The following ANK2 variants were observed in gnomAD, a reference collection of about 807,000 sequenced individuals.
ANK2 encodes ankyrin 2.
Under a neutral mutation model 360.5 loss-of-function variants are expected in ANK2, and 83 were observed. The observed-to-expected ratio is 0.23, with a 90% confidence interval of 0.19 to 0.28. ANK2 has a LOEUF of 0.28. ANK2 is among the 10% of genes least tolerant of loss of function. The pLI is 1.00. For synonymous variants in ANK2, 1,740 were observed against 1,759.5 expected (o/e 0.99, Z 0.28); for missense variants, 4,201 against 4,795.7 (o/e 0.88, Z 3.66).
intron 4 of ANK2, among the ~76,000 whole-genome samples, chr4:113,222,351 G>T (rs1417801604): frequency 6.7e-6 from 1 of 150,184 alleles, no homozygotes; most frequent in East Asian, 2.0e-4. Flanking sequence ...GAAGTTAATT[G>T]TCCAATTGCT....
chr4:113,181,744 C>T (rs1490089286), intron 2 of ANK2, among the ~76,000 whole-genome samples: 1 of 152,042 alleles, frequency 6.6e-6, no homozygotes, highest in Non-Finnish European at 1.5e-5. Context: ...GGTGAGAGAA[C>T]CGCACAGAAG....
rs200148099 is a variant in ANK2, at chr4:113,340,881, AC to A, written c.3894-806del. ...AAAAAAAGAAAAACAAACAAAAAAA[AC>A]AAACCCTTTGGAAGTATAAAATAAC... On this transcript the variant is annotated intron_variant, in intron 32 of 45. Transcript: ENST00000357077. Among the ~76,000 whole-genome samples the A allele has an allele frequency of 7.3e-3, 1,105 of 152,078 alleles. 13 individuals are homozygous for A. The highest frequency in any genetic ancestry group is 0.025 in the African/African-American group (1,046 of 41,482).
chr4:112,771,759 G>A, the ANK2 span, among the ~76,000 whole-genome samples: 156 of 152,160 alleles, frequency 1.0e-3, 2 homozygotes, highest in South Asian at 3.1e-3. Flanking sequence ...CTCATTTTTT[G>A]TATTTTTAGT....
chr4:113,354,846 G>T lies in ANK2; in HGVS notation c.6228G>T (p.Lys2076Asn), dbSNP rs144848998. Reference sequence around the variant, plus strand: ...TTCGTGTTTCCTCCATAGGAGTTAAGAAAGAAGATGCAGCTGGAGGAAAGG... The same window carrying T: ...TTCGTGTTTCCTCCATAGGAGTTAATAAAGAAGATGCAGCTGGAGGAAAGG... ...RGVRVSSIGV[K>N]KEDAAGGKEK... Residue 2076 changes from lysine to asparagine, a missense_variant, in exon 38 of 46, where the codon AAG becomes AAT. Lys to Asn is a moderately conservative substitution (Grantham distance 94). This residue lies in a region of ANK2 where 2,642 missense variants were observed against 2,714.5 expected (regional missense o/e 0.97). Transcript: ENST00000357077. 4.0e-4 allele frequency: 645 copies of T among 1,614,002 alleles called. 1 individual carries two copies. The highest frequency in any genetic ancestry group is 5.0e-4 in the Non-Finnish European group (591 of 1,179,994).
chr4:113,346,789 C>T (rs1588722254), intron 35 of ANK2, among the ~76,000 whole-genome samples: 1 of 152,160 alleles, frequency 6.6e-6, no homozygotes, highest in East Asian at 1.9e-4. Context: ...TAATTTCTGA[C>T]CCCAAGTCTA....
At chr4:112,938,271 C>G (rs979232950) in intron 2 of ANK2, among the ~76,000 whole-genome samples, 3 of 152,142 alleles carry the variant, frequency 2.0e-5, no homozygotes, top group Non-Finnish European at 4.4e-5. Context: ...CCCCTGGTGA[C>G]TCATCTTAAG....
rs111287075 is a variant in ANK2 at position 112,930,892 on chromosome 4, G to GA, written c.21+26392dup. On this transcript the variant is annotated intron_variant, in intron 2 of 30. Transcript: ENST00000503271. ...GACAGAGCAAGACTCCATCTCGAGA[G>GA]AAAAAAAAAAAAAAGACTTAAAATG... Among the ~76,000 whole-genome samples the GA allele has an allele frequency of 3.2e-3, 367 of 116,066 alleles. 2 individuals carry two copies. The highest frequency in any genetic ancestry group is 5.0e-3 in the African/African-American group (166 of 33,132). The allele number at this position is 116,066 out of a possible 152,430, so 76.1% of individuals were successfully genotyped here. A position where few individuals can be genotyped will look rare whatever the true frequency, so the allele number is the denominator to read the frequency against.
chr4:113,256,696 A>T (rs999521716), intron 11 of ANK2, among the ~76,000 whole-genome samples: 3 of 152,176 alleles, frequency 2.0e-5, no homozygotes, highest in Non-Finnish European at 2.9e-5. Flanking sequence ...ATGTGTTTAC[A>T]TGGTTTGTGT....
chr4:112,790,490 T>TC, the ANK2 span, among the ~76,000 whole-genome samples: 2 of 147,250 alleles, frequency 1.4e-5, no homozygotes, highest in East Asian at 3.9e-4. Context: ...TTTTCTTTTT[T>TC]TTTTTTTTTT....
At chr4:113,064,041 G>T (rs1304052514) in intron 1 of ANK2, among the ~76,000 whole-genome samples, 1 of 151,980 alleles carries the variant, frequency 6.6e-6, no homozygotes, top group Non-Finnish European at 1.5e-5. Context: ...TGTTGTTGTT[G>T]TGTTTGCTTT....
chr4:113,245,231 A>G (rs2042212741), intron 9 of ANK2, among the ~76,000 whole-genome samples: 2 of 152,216 alleles, frequency 1.3e-5, no homozygotes, highest in Non-Finnish European at 2.9e-5. Flanking sequence ...GTAAATACTG[A>G]AATCAAGGAC....
intron 1 of ANK2, among the ~76,000 whole-genome samples, chr4:113,166,591 A>G (rs2097763077): frequency 6.6e-6 from 1 of 151,846 alleles, no homozygotes; most frequent in South Asian, 2.1e-4. Context: ...TGTTCCTACT[A>G]GTTTTTGTTT....
At chr4:113,221,613 C>T (rs1035989938) in intron 4 of ANK2, among the ~76,000 whole-genome samples, 3 of 150,906 alleles carry the variant, frequency 2.0e-5, no homozygotes, top group Admixed American at 6.6e-5. Context: ...GAGCCGAGAT[C>T]GTGCCACTGC....
intron 22 of ANK2, among the ~76,000 whole-genome samples, chr4:113,300,210 C>T (rs29303): frequency 0.6 from 90,579 of 151,880 alleles, 27,157 homozygotes; most frequent in South Asian, 0.63. Context: ...GTGAATAAGA[C>T]TCTGAATAAA....
chr4:113,024,268 T>C (rs2058773260), intron 2 of ANK2, among the ~76,000 whole-genome samples: 1 of 152,140 alleles, frequency 6.6e-6, no homozygotes, highest in Non-Finnish European at 1.5e-5. Flanking sequence ...AATATGTTAA[T>C]ATTTTACTCT....
intron 1 of ANK2, among the ~76,000 whole-genome samples, chr4:113,055,459 G>T (rs1243771776): frequency 6.6e-6 from 1 of 152,068 alleles, no homozygotes; most frequent in Non-Finnish European, 1.5e-5. Flanking sequence ...CTTAGAATGT[G>T]GTCAACAGTC....
the ANK2 span, among the ~76,000 whole-genome samples, chr4:112,757,517 A>G: frequency 6.6e-6 from 1 of 152,230 alleles, no homozygotes; most frequent in Non-Finnish European, 1.5e-5. Context: ...TTTTACACAC[A>G]TTAATTTATT....
At chr4:113,182,512 A>G (rs574396761) in intron 2 of ANK2, among the ~76,000 whole-genome samples, 5 of 152,326 alleles carry the variant, frequency 3.3e-5, no homozygotes, top group Admixed American at 6.5e-5. Flanking sequence ...GAGTACTACA[A>G]TATTTAGAGG....
chr4:112,819,296 G>T (rs527865352), intron 1 of ANK2, among the ~76,000 whole-genome samples: 2 of 152,262 alleles, frequency 1.3e-5, no homozygotes, highest in South Asian at 4.1e-4. Flanking sequence ...CAAGGTGTAT[G>T]GTGTCCCCTT....
Sources: gnomAD v4.1 joint callset for allele counts (sites outside exome capture counted in the v4.1 genomes callset) on GRCh38, gnomAD v4.1.1 for gene constraint, gnomAD v4.1.1 regional missense constraint, MANE v1.5 for transcripts, NCBI Gene and HGNC (gene_info 2026-07-23, HGNC 2026-07-21) for gene names.